Variants in ARMH4 observed in about 807,000 individuals in gnomAD.
The protein encoded by ARMH4 is armadillo like helical domain containing 4.
In ARMH4, 49 loss-of-function variants were observed where a neutral mutation model predicts 61.9. The observed-to-expected ratio is 0.79, with a 90% CI of 0.63 to 1.00. The LOEUF (loss-of-function observed/expected upper bound fraction) is 1.00, where lower values mean the gene tolerates loss of function less well. Ranked by LOEUF, ARMH4 falls within the 50% of genes least tolerant of loss-of-function variation. The probability of loss-of-function intolerance (pLI) is 0.00; values close to 1 mark genes in which losing one functional copy is unlikely to be tolerated. For synonymous variants in ARMH4, 368 were observed against 341.5 expected (o/e 1.08, Z -0.85); for missense variants, 934 against 930.0 (o/e 1.00, Z -0.06).
At position 58,005,130 on chromosome 14, in the gene ARMH4, G is replaced by C; in HGVS notation, c.2174C>G (p.Ala725Gly). 6.2e-7 allele frequency: 1 copy of C among 1,613,894 alleles called. No homozygotes were observed. The change falls in exon 7 of 8, where the codon GCC becomes GGC. Residue 725 changes from alanine to glycine, a missense_variant. Coordinates refer to ENST00000267485, the MANE Select transcript of ARMH4 (RefSeq NM_001001872.4). ...GTAGAGGGCTCCCAAGATGAACAAGGCTCCAGCTATCCCAACCCCTACAGG... is the reference window on the plus strand; with the variant it reads ...GTAGAGGGCTCCCAAGATGAACAAGCCTCCAGCTATCCCAACCCCTACAGG... ...LVPVGVGIAG[A>G]LFILGALYSI...
chr14:58,108,628 C>A (rs1188722095), intron 4 of ARMH4, among the ~76,000 whole-genome samples: 3 of 152,148 alleles, frequency 2.0e-5, no homozygotes, highest in Non-Finnish European at 4.4e-5. Flanking sequence ...GTTTGTTTAT[C>A]CCCATGTCAA....
rs573605469 is a variant in ARMH4, at chr14:58,092,525, TG to T, written c.2089+4198del. The stretch of plus-strand genomic sequence containing the variant: ...ACACAAATTTATTACCTTGCAGTCC[TG>T]GAGGTCAAAAGTCTGAAATGGGTCT... On this transcript the variant is annotated intron_variant, in intron 5 of 7. Coordinates refer to ENST00000267485, the MANE Select transcript of ARMH4 (RefSeq NM_001001872.4). 6.4e-4 allele frequency among the ~76,000 whole-genome samples: 97 copies of T among 152,324 alleles called. 1 individual carries two copies. Among genetic ancestry groups the T allele is most frequent in the Admixed American group, 1.9e-3 (29 of 15,298 alleles).
intron 4 of ARMH4, among the ~76,000 whole-genome samples, chr14:58,128,854 A>C (rs1566593636): frequency 1.3e-5 from 2 of 152,332 alleles, no homozygotes; most frequent in East Asian, 3.9e-4. Flanking sequence ...CCATATTTGA[A>C]AACAGGGTCT....
intron 5 of ARMH4, among the ~76,000 whole-genome samples, chr14:58,025,412 T>C (rs1162921641): frequency 6.6e-6 from 1 of 152,170 alleles, no homozygotes; most frequent in Non-Finnish European, 1.5e-5. Context: ...AAATTTTCAA[T>C]ATCACATCTT....
chr14:58,125,593 G>A (rs897807968), intron 4 of ARMH4, among the ~76,000 whole-genome samples: 7 of 152,118 alleles, frequency 4.6e-5, no homozygotes, highest in Non-Finnish European at 7.3e-5. Context: ...ACTACCAATC[G>A]TTCTTCAAAT....
At chr14:58,080,323 T>C (rs986414918) in intron 5 of ARMH4, among the ~76,000 whole-genome samples, 1 of 151,982 alleles carries the variant, frequency 6.6e-6, no homozygotes, top group African/African-American at 2.4e-5. Flanking sequence ...GAGATGGGGT[T>C]TCTCCATGTT....
intron 2 of ARMH4, 62 bp downstream of exon 2, chr14:58,137,928 A>T (rs1887360035): frequency 2.5e-6 from 3 of 1,208,958 alleles, no homozygotes; most frequent in South Asian, 3.2e-5. Flanking sequence ...AATTGCCATT[A>T]AAAAAAAAAT....
At chr14:58,044,932 G>A (rs1312811818) in intron 5 of ARMH4, among the ~76,000 whole-genome samples, 1 of 152,164 alleles carries the variant, frequency 6.6e-6, no homozygotes, top group East Asian at 1.9e-4. Context: ...ACACCAGTTA[G>A]AATGGTGATC....
chr14:58,073,709 T>C (rs1181252608), intron 5 of ARMH4, among the ~76,000 whole-genome samples: 1 of 152,228 alleles, frequency 6.6e-6, no homozygotes, highest in Admixed American at 6.5e-5. Flanking sequence ...AATGGAGTTC[T>C]TTGTTTAAGC....
intron 5 of ARMH4, among the ~76,000 whole-genome samples, chr14:58,030,922 G>A (rs937968201): frequency 6.6e-6 from 1 of 152,126 alleles, no homozygotes; most frequent in African/African-American, 2.4e-5. Flanking sequence ...CATAAATAAT[G>A]TCACTATGAA....
In ARMH4 at chr14:58,004,786, T is replaced by C. The variant is rs138638785; in HGVS notation, c.2275A>G (p.Met759Val). 6.2e-7 allele frequency: 1 copy of C among 1,611,724 alleles called. No homozygotes were observed. The highest frequency in any genetic ancestry group is 8.5e-7 in the Non-Finnish European group (1 of 1,177,998). Residue 759 changes from methionine (M) to valine (V), a missense_variant, in exon 8 of 8, where the codon ATG becomes GTG. Transcript: ENST00000267485. ...GCTAAGAGCATTACTCGATCTTGCA[T>C]GCTGTTGAATTCTCTCTGCTAGAGA... ...HKRKQREFNS[M>V]QDRVMLLADS...
chr14:58,047,286 A>G (rs980993322), intron 5 of ARMH4, among the ~76,000 whole-genome samples: 3 of 152,252 alleles, frequency 2.0e-5, no homozygotes, highest in Admixed American at 6.5e-5. Context: ...AGAGCACAAG[A>G]TTTAAATTTT....
At chr14:58,110,807 C>G (rs532447831) in intron 4 of ARMH4, among the ~76,000 whole-genome samples, 2 of 152,220 alleles carry the variant, frequency 1.3e-5, no homozygotes, top group African/African-American at 4.8e-5. Flanking sequence ...CTGCAACCTC[C>G]ACCTCCCGGG....
At chr14:58,013,648 C>G (rs55751535) in intron 5 of ARMH4, among the ~76,000 whole-genome samples, 1 of 152,046 alleles carries the variant, frequency 6.6e-6, no homozygotes, top group Non-Finnish European at 1.5e-5. Context: ...AAACCAATGA[C>G]AAACATGAAA....
intron 5 of ARMH4, among the ~76,000 whole-genome samples, chr14:58,017,724 T>G (rs566030325): frequency 6.6e-6 from 1 of 152,138 alleles, no homozygotes; most frequent in Non-Finnish European, 1.5e-5. Context: ...ACATATTCAA[T>G]GCAATCTCTA....
At chr14:58,038,992 C>T (rs1046472689) in intron 5 of ARMH4, among the ~76,000 whole-genome samples, 1 of 152,162 alleles carries the variant, frequency 6.6e-6, no homozygotes, top group African/African-American at 2.4e-5. Flanking sequence ...GTCCCAGGCA[C>T]CCACCACCAC....
chr14:58,020,162 A>G (rs533775200), intron 5 of ARMH4, among the ~76,000 whole-genome samples: 1 of 152,332 alleles, frequency 6.6e-6, no homozygotes, highest in East Asian at 1.9e-4. Flanking sequence ...GCTAAAGAGT[A>G]GCTGATCTGG....
intron 5 of ARMH4, among the ~76,000 whole-genome samples, chr14:58,077,380 G>C (rs995127512): frequency 6.6e-6 from 1 of 152,196 alleles, no homozygotes; most frequent in African/African-American, 2.4e-5. Context: ...GAGACAGGAG[G>C]ATGGCTTGAG....
At chr14:58,105,315 G>A (rs1164964611) in intron 4 of ARMH4, among the ~76,000 whole-genome samples, 1 of 152,120 alleles carries the variant, frequency 6.6e-6, no homozygotes, top group Non-Finnish European at 1.5e-5. Flanking sequence ...AAATAAGAAT[G>A]GGGTCAAGGT....
Sources: gnomAD v4.1 joint callset for allele counts (sites outside exome capture counted in the v4.1 genomes callset) on GRCh38, gnomAD v4.1.1 for gene constraint, MANE v1.5 for transcripts, NCBI Gene and HGNC (gene_info 2026-07-23, HGNC 2026-07-21) for gene names.